The following ZFYVE9 variants were observed in gnomAD, a reference collection of about 807,000 sequenced individuals.
The protein encoded by ZFYVE9 is zinc finger FYVE domain-containing protein 9.
ZFYVE9 carries 43 observed loss-of-function variants against 126.7 expected under a neutral mutation model. The ratio of observed to expected loss-of-function variants is 0.34; its 90% CI spans 0.27 to 0.44. The LOEUF is 0.44. ZFYVE9 is among the 20% of genes least tolerant of loss of function. ZFYVE9 has a pLI of 1.00. For missense variants in ZFYVE9, 1,476 were observed against 1,697.0 expected (o/e 0.87, Z 2.29); for synonymous variants, 521 against 597.4 (o/e 0.87, Z 1.87).
chr1:52,222,297 G>A (rs1052189442), intron 2 of ZFYVE9, among the ~76,000 whole-genome samples: 2 of 152,186 alleles, frequency 1.3e-5, no homozygotes, highest in African/African-American at 4.8e-5. Context: ...AACCCTTGGG[G>A]CAAGACTGTC....
At chr1:52,300,857 T>G (rs930189746) in intron 12 of ZFYVE9, among the ~76,000 whole-genome samples, 2 of 151,436 alleles carry the variant, frequency 1.3e-5, no homozygotes, top group Admixed American at 1.3e-4. Context: ...TTGTTTAGGT[T>G]TTTTGGTTTT....
chr1:52,340,863 T>C (rs1462139231), intron 17 of ZFYVE9, among the ~76,000 whole-genome samples: 2 of 135,228 alleles, frequency 1.5e-5, no homozygotes, highest in Non-Finnish European at 3.0e-5. Context: ...ATCACGCCAC[T>C]GCACTCCATC....
chr1:52,266,573 C>A, intron 5 of ZFYVE9, 82 bp from the exon 6 acceptor site: 1 of 1,226,974 alleles, frequency 8.2e-7, no homozygotes, highest in Non-Finnish European at 1.1e-6. Flanking sequence ...GGAGAAGCTG[C>A]ATTATTTATC....
At chr1:52,324,322 T>C (rs1646271003) in intron 13 of ZFYVE9, among the ~76,000 whole-genome samples, 1 of 152,186 alleles carries the variant, frequency 6.6e-6, no homozygotes, top group Non-Finnish European at 1.5e-5. Flanking sequence ...AGACTCATAG[T>C]TGTCAATATG....
Position 52,171,881 on chromosome 1 carries a change from T to C in ZFYVE9, c.-143+29478T>C, listed in dbSNP as rs1461043321. ...TTTCTTGTAAATTTGTTTGTGTTCA[T>C]TGTAGATTCTGGATATTAGCTCTTT... On this transcript the variant is annotated intron_variant, in intron 1 of 18. Coordinates refer to ENST00000287727, the MANE Select transcript of ZFYVE9 (RefSeq NM_004799.4). 2.6e-5 allele frequency among the ~76,000 whole-genome samples: 4 copies of C among 152,210 alleles called. No homozygotes were observed. In the East Asian group the frequency reaches 5.8e-4, roughly 22 times the overall value.
intron 1 of ZFYVE9, among the ~76,000 whole-genome samples, chr1:52,158,431 G>A (rs746051761): frequency 9.2e-5 from 14 of 152,228 alleles, no homozygotes; most frequent in Non-Finnish European, 2.9e-5. Flanking sequence ...CCTCTGAAGT[G>A]TGCTGCTGCG....
At chr1:52,323,092 C>T (rs1280926799) in intron 13 of ZFYVE9, among the ~76,000 whole-genome samples, 1 of 152,232 alleles carries the variant, frequency 6.6e-6, no homozygotes, top group East Asian at 1.9e-4. Context: ...GTGTGAGCCA[C>T]CACGCCCGGC....
chr1:52,266,078 A>G (rs1229910344), intron 5 of ZFYVE9, among the ~76,000 whole-genome samples: 1 of 152,142 alleles, frequency 6.6e-6, no homozygotes, highest in Non-Finnish European at 1.5e-5. Context: ...TCAGTCTATC[A>G]GAAGTATCCT....
chr1:52,304,829 T>C lies in ZFYVE9; in HGVS notation c.3438+904T>C, dbSNP rs369051763. 3.8e-3 allele frequency among the ~76,000 whole-genome samples: 574 copies of C among 152,140 alleles called. 1 individual carries two copies. Among genetic ancestry groups the C allele is most frequent in the Non-Finnish European group, 6.6e-3 (448 of 67,998 alleles). On this transcript the variant is annotated intron_variant, in intron 13 of 18. Transcript: ENST00000287727. ...TTTAAGGATATTAGAAAATAGTAGC[T>C]AGAATGTGTGCTTACTTTTTTCTGG...
At position 52,275,541 on chromosome 1, in the gene ZFYVE9, A is replaced by C. The variant is rs867042416; in HGVS notation, c.2746+957A>C. Among the ~76,000 whole-genome samples the C allele has an allele frequency of 4.6e-5, 7 of 152,120 alleles. No homozygotes were observed. The South Asian group carries it at 1.5e-3, about 32-fold the overall frequency. On this transcript the variant is annotated intron_variant, in intron 8 of 18. Transcript: ENST00000287727. ...CATGTCCCCTTTTCTCCACAGCCTC[A>C]CCAGCATCCATGGTTTTTTGACTTT...
At chr1:52,241,191 T>C (rs1645330667) in intron 4 of ZFYVE9, among the ~76,000 whole-genome samples, 1 of 152,106 alleles carries the variant, frequency 6.6e-6, no homozygotes, top group African/African-American at 2.4e-5. Context: ...ATGTATACAA[T>C]AAAATTTATT....
chr1:52,180,701 C>T lies in ZFYVE9; in HGVS notation c.-142-35668C>T, dbSNP rs143817581. Reference sequence around the variant, plus strand: ...TAGAAATAATCATTGCTGGGCCGGGCGCGGTGGCTTACGCCTGTAATCCCA... The same window carrying T: ...TAGAAATAATCATTGCTGGGCCGGGTGCGGTGGCTTACGCCTGTAATCCCA... On this transcript the variant is annotated intron_variant, in intron 1 of 18. Transcript: ENST00000287727. 5.2e-4 allele frequency: 178 copies of T among 341,166 alleles called. 2 individuals are homozygous for T. Among genetic ancestry groups the T allele is most frequent in the African/African-American group, 3.4e-3 (161 of 46,776 alleles). The allele number at this position is 341,166 out of a possible 1,614,324, so 21.1% of individuals were successfully genotyped here. A position where few individuals can be genotyped will look rare whatever the true frequency, so the allele number is the denominator to read the frequency against.
chr1:52,167,676 C>T (rs1644526408), intron 1 of ZFYVE9, among the ~76,000 whole-genome samples: 1 of 152,186 alleles, frequency 6.6e-6, no homozygotes, highest in Non-Finnish European at 1.5e-5. Flanking sequence ...AAATCATCAA[C>T]TGTCATTGCT....
chr1:52,197,914 G>A (rs1040722140), intron 1 of ZFYVE9, among the ~76,000 whole-genome samples: 5 of 152,088 alleles, frequency 3.3e-5, no homozygotes, highest in African/African-American at 1.2e-4. Flanking sequence ...AGGTGTAGTG[G>A]AACAACCAGA....
At chr1:52,288,940 A>AAG (rs1557502312) in intron 10 of ZFYVE9, among the ~76,000 whole-genome samples, 5 of 150,628 alleles carry the variant, frequency 3.3e-5, no homozygotes, top group African/African-American at 9.9e-5. Context: ...AAAAAAAAAA[A>AAG]AAAAAAGAAA....
At chr1:52,160,909 G>A (rs1358649605) in intron 1 of ZFYVE9, among the ~76,000 whole-genome samples, 1 of 152,222 alleles carries the variant, frequency 6.6e-6, no homozygotes, top group Non-Finnish European at 1.5e-5. Context: ...CAGTTGATCA[G>A]TATAGCATAG....
At chr1:52,175,699 C>T (rs1040130977) in intron 1 of ZFYVE9, among the ~76,000 whole-genome samples, 4 of 152,184 alleles carry the variant, frequency 2.6e-5, no homozygotes, top group East Asian at 3.9e-4. Flanking sequence ...AGGCTTTGTT[C>T]GTTTCTTTTT....
intron 1 of ZFYVE9, among the ~76,000 whole-genome samples, chr1:52,203,243 C>T (rs992570456): frequency 2.6e-5 from 4 of 151,744 alleles, no homozygotes; most frequent in Admixed American, 1.3e-4. Flanking sequence ...GTGCAGTGGC[C>T]TGATCTCGGT....
chr1:52,193,801 C>T (rs571930559), intron 1 of ZFYVE9, among the ~76,000 whole-genome samples: 14 of 151,518 alleles, frequency 9.2e-5, no homozygotes, highest in Non-Finnish European at 1.8e-4. Context: ...CACACACGCA[C>T]GCGCGCACAC....
Sources: gnomAD v4.1 joint callset for allele counts (sites outside exome capture counted in the v4.1 genomes callset) on GRCh38, gnomAD v4.1.1 for gene constraint, MANE v1.5 for transcripts, NCBI Gene and HGNC (gene_info 2026-07-23, HGNC 2026-07-21) for gene names.